Variants in TEX101 observed in about 807,000 individuals in gnomAD.
TEX101 encodes the protein testis expressed 101.
A neutral mutation model predicts 18.1 loss-of-function variants in TEX101; 10 were observed. The observed-to-expected ratio is 0.55, with a 90% CI of 0.34 to 0.94. TEX101 has a LOEUF of 0.94. Among genes scored for constraint, TEX101 ranks in the 40% least tolerant of loss-of-function variants. The pLI is 0.02. For missense variants in TEX101, 259 were observed against 298.9 expected (o/e 0.87, Z 0.98); for synonymous variants, 94 against 114.8 (o/e 0.82, Z 1.16).
upstream of TEX101, among the ~76,000 whole-genome samples, chr19:43,399,749 G>T (rs575834677): frequency 6.6e-4 from 99 of 150,222 alleles, no homozygotes; most frequent in Non-Finnish European, 1.2e-3. Flanking sequence ...TTTGATGCTC[G>T]AAATGTCCCA....
At chr19:43,403,657 G>A (rs1459554158) in intron 2 of TEX101, among the ~76,000 whole-genome samples, 2 of 149,540 alleles carry the variant, frequency 1.3e-5, no homozygotes, top group Non-Finnish European at 3.0e-5. Context: ...TGTTCTAATT[G>A]ATTTTAAAAA....
the TEX101 span, among the ~76,000 whole-genome samples, chr19:43,395,927 C>T: frequency 6.6e-6 from 1 of 152,248 alleles, no homozygotes; most frequent in Non-Finnish European, 1.5e-5. Flanking sequence ...ACCTCCTGAG[C>T]CAGGTGTGCA....
Position 43,417,901 on chromosome 19 carries a change from C to G in TEX101, c.415C>G (p.His139Asp). The G allele has an allele frequency of 1.9e-6, 3 of 1,614,164 alleles. No individual in the cohort carries two copies. The highest frequency in any genetic ancestry group is 2.5e-6 in the Non-Finnish European group (3 of 1,180,002). ...TTASTVSTTL[H>D]CPTCVALGTC... ...AGCTTCCACTGTGTCAACAACCCTCCATTGTCCAACCTGTGTGGCTTTGGG... is the reference window on the plus strand; with the variant it reads ...AGCTTCCACTGTGTCAACAACCCTCGATTGTCCAACCTGTGTGGCTTTGGG... The change falls in exon 5 of 6, where the codon CAT becomes GAT. Residue 139 changes from histidine to aspartate, a missense_variant. His to Asp is a moderately conservative substitution (Grantham distance 81, BLOSUM62 -1). Transcript: ENST00000598265.
At chr19:43,413,284 G>A (rs542017661), upstream of TEX101, among the ~76,000 whole-genome samples, 288 of 152,082 alleles carry the variant, frequency 1.9e-3, no homozygotes, top group South Asian at 6.9e-3. Flanking sequence ...GGCGGATCAC[G>A]AGGTCAGGAG....
At chr19:43,406,553 C>T in intron 3 of TEX101, 1 of 674,632 alleles carries the variant, frequency 1.5e-6, no homozygotes, top group Non-Finnish European at 2.7e-6. Flanking sequence ...GGTGAAATTC[C>T]ATTATTAATT....
chr19:43,391,113 C>T, the TEX101 span, among the ~76,000 whole-genome samples: 2 of 152,234 alleles, frequency 1.3e-5, no homozygotes, highest in Non-Finnish European at 2.9e-5. Flanking sequence ...TTCATTTGTA[C>T]ATATAGACCA....
chr19:43,390,571 G>C, the TEX101 span, among the ~76,000 whole-genome samples: 1 of 132,218 alleles, frequency 7.6e-6, no homozygotes, highest in Admixed American at 8.8e-5. Context: ...GGGTTCAACC[G>C]ATTCTCCTGC....
chr19:43,405,749 A>AC (rs1208001897), intron 2 of TEX101, among the ~76,000 whole-genome samples: 1 of 151,278 alleles, frequency 6.6e-6, no homozygotes, highest in Non-Finnish European at 1.5e-5. Flanking sequence ...ACATGGTGAA[A>AC]CCCCGTCTCT....
Position 43,417,894 on chromosome 19 carries a change from A to G in TEX101, c.408A>G (p.Thr136=). 1 of 1,614,162 alleles carries G rather than the reference A, an allele frequency of 6.2e-7. No individual in the cohort carries two copies. Among genetic ancestry groups the G allele is most frequent in the Non-Finnish European group, 8.5e-7 (1 of 1,179,996 alleles). ...TCCCTCCAGCTTCCACTGTGTCAACAACCCTCCATTGTCCAACCTGTGTGG... is the reference window on the plus strand; with the variant it reads ...TCCCTCCAGCTTCCACTGTGTCAACGACCCTCCATTGTCCAACCTGTGTGG... ...FSETTASTVS[T]TLHCPTCVAL... Residue 136 remains threonine (T), a synonymous_variant, in exon 5 of 6, where the codon ACA becomes ACG. Coordinates refer to ENST00000598265, the MANE Select transcript of TEX101 (RefSeq NM_001130011.3).
chr19:43,414,487 G>A (rs150643969), upstream of TEX101, among the ~76,000 whole-genome samples: 1,135 of 152,328 alleles, frequency 7.5e-3, 14 homozygotes, highest in African/African-American at 0.026. Flanking sequence ...CCACTAAGGT[G>A]GGTGCCGAGG....
chr19:43,394,205 A>G, the TEX101 span, among the ~76,000 whole-genome samples: 1 of 151,836 alleles, frequency 6.6e-6, no homozygotes, highest in Non-Finnish European at 1.5e-5. Context: ...TGCTAAAGAA[A>G]TTGTAAACCT....
the TEX101 span, among the ~76,000 whole-genome samples, chr19:43,389,325 A>G: frequency 6.6e-6 from 1 of 152,242 alleles, no homozygotes; most frequent in Non-Finnish European, 1.5e-5. Context: ...GCTCCCGTGA[A>G]AGACTCAGGA....
At chr19:43,389,544 C>T in the TEX101 span, among the ~76,000 whole-genome samples, 5 of 152,176 alleles carry the variant, frequency 3.3e-5, no homozygotes, top group African/African-American at 9.7e-5. Context: ...GGTCCTTGCC[C>T]TGGGCCCTGT....
chr19:43,417,014 G>A (rs1372361164), intron 4 of TEX101, among the ~76,000 whole-genome samples: 1 of 142,814 alleles, frequency 7.0e-6, no homozygotes, highest in Non-Finnish European at 1.5e-5. Flanking sequence ...GCCTGGGACA[G>A]AGAGCAAGAC....
At chr19:43,390,200 A>C in the TEX101 span, among the ~76,000 whole-genome samples, 1 of 152,124 alleles carries the variant, frequency 6.6e-6, no homozygotes, top group Non-Finnish European at 1.5e-5. Flanking sequence ...TAGATGGCTC[A>C]GAAATTTGCA....
the TEX101 span, among the ~76,000 whole-genome samples, chr19:43,389,948 G>A: frequency 6.6e-6 from 1 of 152,074 alleles, no homozygotes; most frequent in Non-Finnish European, 1.5e-5. Flanking sequence ...AGCAGCATCC[G>A]AGCCAGCTTC....
upstream of TEX101, among the ~76,000 whole-genome samples, chr19:43,413,625 A>G (rs1471101662): frequency 6.6e-6 from 1 of 152,038 alleles, no homozygotes; most frequent in Non-Finnish European, 1.5e-5. Context: ...TTTTGTCTGC[A>G]GCTCATCCTG....
the TEX101 span, among the ~76,000 whole-genome samples, chr19:43,394,226 A>T: frequency 6.6e-6 from 1 of 151,982 alleles, no homozygotes; most frequent in African/African-American, 2.4e-5. Context: ...TTGTCTTAAA[A>T]CTGGAGTCCC....
chr19:43,404,254 G>A (rs535558819), intron 2 of TEX101, among the ~76,000 whole-genome samples: 1 of 152,104 alleles, frequency 6.6e-6, no homozygotes, highest in South Asian at 2.1e-4. Context: ...GCAATTTCTT[G>A]GGTTTAGGAA....
Sources: gnomAD v4.1 joint callset for allele counts (sites outside exome capture counted in the v4.1 genomes callset) on GRCh38, gnomAD v4.1.1 for gene constraint, MANE v1.5 for transcripts, NCBI Gene and HGNC (gene_info 2026-07-23, HGNC 2026-07-21) for gene names.